Variants in ECPAS observed in about 807,000 individuals in gnomAD.
ECPAS encodes the protein Ecm29 proteasome adaptor and scaffold.
A neutral mutation model predicts 255.1 loss-of-function variants in ECPAS; 70 were observed. That is an observed-to-expected ratio of 0.27 (90% CI 0.23 to 0.33). The LOEUF (loss-of-function observed/expected upper bound fraction) is 0.33. Among genes scored for constraint, ECPAS ranks in the 10% least tolerant of loss-of-function variants. The pLI, the probability that ECPAS is intolerant of heterozygous loss-of-function variation, is 1.00. For missense variants in ECPAS, 1,817 were observed against 2,206.4 expected (o/e 0.82, Z 3.54); for synonymous variants, 784 against 775.0 (o/e 1.01, Z -0.19).
At chr9:111,452,120 G>A (rs75217102) in intron 2 of ECPAS, among the ~76,000 whole-genome samples, 1 of 152,194 alleles carries the variant, frequency 6.6e-6, no homozygotes, top group East Asian at 1.9e-4. Flanking sequence ...CTTTAGACAA[G>A]GTAACTTCTT....
At position 111,430,687 on chromosome 9, in the gene ECPAS, C is replaced by CA. The variant is rs574676757; in HGVS notation, c.849-60dup. 61 of 1,110,480 alleles carry CA rather than the reference C, an allele frequency of 5.5e-5. No individual in the cohort carries two copies. The African/African-American group carries it at 9.4e-4, about 17-fold the overall frequency. The allele number at this position is 1,110,480 out of a possible 1,614,324, so 68.8% of individuals were successfully genotyped here. On this transcript the variant is annotated intron_variant, in intron 8 of 49. Coordinates refer to ENST00000684092, the MANE Select transcript of ECPAS (RefSeq NM_001364929.1). ...ATTTTTCCCCCTCCTTCAGTGATTT[C>CA]AAAAAAATTATAGCCCCAACATTTC...
At chr9:111,426,075 G>A (rs1315484287) in intron 10 of ECPAS, among the ~76,000 whole-genome samples, 1 of 152,162 alleles carries the variant, frequency 6.6e-6, no homozygotes, top group Non-Finnish European at 1.5e-5. Context: ...CCACAGTGAG[G>A]AAACGAAGAG....
At chr9:111,391,431 G>GCC (rs1483850095) in intron 29 of ECPAS, among the ~76,000 whole-genome samples, 1 of 152,026 alleles carries the variant, frequency 6.6e-6, no homozygotes, top group Non-Finnish European at 1.5e-5. Context: ...ACAAAAATTA[G>GCC]CCAGGCGTGG....
rs1442411274 is a variant in ECPAS at position 111,411,119 on chromosome 9, G to A, written c.2238C>T (p.Ser746=). ...DNHSPEIQHG[S]LLALGFTVGR... ...CCACCGTGAATCCCAATGCAAGCAAGGATCCATGCTGTATCTCCGGGCTCT... is the reference window on the plus strand; with the variant it reads ...CCACCGTGAATCCCAATGCAAGCAAAGATCCATGCTGTATCTCCGGGCTCT... The change falls in exon 22 of 50, where the codon TCC becomes TCT. Residue 746 remains serine, a synonymous_variant. Coordinates refer to ENST00000684092, the MANE Select transcript of ECPAS (RefSeq NM_001364929.1). 1 of 1,613,580 alleles carries A rather than the reference G, an allele frequency of 6.2e-7. No individual in the cohort carries two copies. Among genetic ancestry groups the A allele is most frequent in the Admixed American group, 1.7e-5 (1 of 59,970 alleles).
At chr9:111,365,829 T>A (rs73656233) in intron 48 of ECPAS, 9,459 of 163,432 alleles carry the variant, frequency 0.058, 688 homozygotes, top group African/African-American at 0.17. Flanking sequence ...GGGCCTGAAG[T>A]AAGCAACATA....
At chr9:111,483,701 C>T (rs1016912860) in intron 1 of ECPAS, 1 of 162,836 alleles carries the variant, frequency 6.1e-6, no homozygotes, top group Non-Finnish European at 1.2e-5. Context: ...CCTGCGTCCT[C>T]CGCGTCGCGA....
chr9:111,445,959 A>C (rs2098252365), intron 3 of ECPAS, among the ~76,000 whole-genome samples: 1 of 152,166 alleles, frequency 6.6e-6, no homozygotes, highest in Non-Finnish European at 1.5e-5. Context: ...TAGTTTGCTT[A>C]GAATGATGGT....
rs75966252 is a variant in ECPAS, at chr9:111,476,481, G to T, written c.-82-3481C>A. ...CTGACCTAAACTAATTTACAAACTA[G>T]ATTTCAGAACTGCCTTTAACAGTCA... On this transcript the variant is annotated intron_variant, in intron 1 of 49. Transcript: ENST00000684092. Among the ~76,000 whole-genome samples, 592 of 151,690 alleles carry T rather than the reference G, an allele frequency of 3.9e-3. 2 individuals carry two copies. The highest frequency in any genetic ancestry group is 0.014 in the African/African-American group (573 of 41,354).
intron 1 of ECPAS, among the ~76,000 whole-genome samples, chr9:111,473,492 T>G (rs143716362): frequency 6.6e-6 from 1 of 152,244 alleles, no homozygotes; most frequent in African/African-American, 2.4e-5. Context: ...TTTCTCTGAT[T>G]ATCTTCCTCT....
rs1024537315 is a variant in ECPAS, at chr9:111,407,219, T to C, written c.2652+1352A>G. 1.6e-4 allele frequency among the ~76,000 whole-genome samples: 23 copies of C among 146,212 alleles called. 2 individuals carry two copies. The highest frequency in any genetic ancestry group is 5.9e-4 in the African/African-American group (22 of 37,392). ...AAGTTCAAGACCAGCCTGGTCAACA[T>C]GGTGAAACCCTGTCTCTATTAAAAA... is the stretch of plus-strand genomic sequence containing the variant. On this transcript the variant is annotated intron_variant, in intron 24 of 49. Transcript: ENST00000684092.
intron 23 of ECPAS, 32 bp from the exon 24 acceptor site, chr9:111,408,704 C>G: frequency 1.4e-6 from 2 of 1,391,218 alleles, no homozygotes; most frequent in Non-Finnish European, 2.0e-6. Context: ...TTCTTTTAAA[C>G]AGAGTATATA....
intron 1 of ECPAS, among the ~76,000 whole-genome samples, chr9:111,479,390 G>A (rs2098300660): frequency 6.7e-6 from 1 of 149,990 alleles, no homozygotes. Context: ...GAGGTCAGGA[G>A]GTCGAGACCA....
intron 2 of ECPAS, among the ~76,000 whole-genome samples, chr9:111,465,637 TATG>T (rs748908093): frequency 3.3e-5 from 5 of 151,734 alleles, no homozygotes; most frequent in Non-Finnish European, 7.4e-5. Context: ...AATTTTATTT[TATG>T]ATATAATTAT....
chr9:111,469,222 A>G (rs10980906), intron 2 of ECPAS, among the ~76,000 whole-genome samples: 9,751 of 152,046 alleles, frequency 0.064, 466 homozygotes, highest in East Asian at 0.21. Context: ...TGGGCAACAT[A>G]GCGAGACTCT....
chr9:111,412,066 T>C lies in ECPAS; in HGVS notation c.2162A>G (p.Asn721Ser), dbSNP rs1430915303. The C allele has an allele frequency of 4.4e-6, 7 of 1,593,198 alleles. No homozygotes were observed. The African/African-American group carries it at 8.2e-5, about 19-fold the overall frequency. Residue 721 changes from asparagine (N) to serine (S), a missense_variant, in exon 21 of 50, where the codon AAT becomes AGT. This residue lies in a region of ECPAS where 194 missense variants were observed against 152.8 expected (regional missense o/e 1.27). Transcript: ENST00000684092. ...CTGTTCTATCATTGATTTCAACTCATTCCCCGACACTGTTGATACCACTAC... is the reference window on the plus strand; with the variant it reads ...CTGTTCTATCATTGATTTCAACTCACTCCCCGACACTGTTGATACCACTAC... Reference protein sequence around the residue: ...YSVVVSTVSGNELKSMIEQLI... With the variant: ...YSVVVSTVSGSELKSMIEQLI...
intron 3 of ECPAS, among the ~76,000 whole-genome samples, chr9:111,450,134 T>A (rs372020420): frequency 6.6e-6 from 1 of 152,166 alleles, no homozygotes; most frequent in Non-Finnish European, 1.5e-5. Flanking sequence ...TTGTCATCAT[T>A]CATCACCATA....
chr9:111,396,959 C>T lies in ECPAS; in HGVS notation c.2776+71G>A. ...AATATGGAATGTGTAATGTTTTTGC[C>T]TCAAATGTGATAAAGAGAACAAAAA... On this transcript the variant is annotated intron_variant, in intron 25 of 49. Transcript: ENST00000684092. The T allele has an allele frequency of 2.5e-6, 4 of 1,586,470 alleles. No homozygotes were observed. The East Asian group carries it at 6.7e-5, about 27-fold the overall frequency.
chr9:111,411,843 A>T, intron 21 of ECPAS, 171 bp downstream of exon 21: 2 of 551,294 alleles, frequency 3.6e-6, no homozygotes, highest in Non-Finnish European at 6.1e-6. Flanking sequence ...CGTATCTGTT[A>T]AGTGAGCTGA....
At chr9:111,469,422 T>A (rs1189106693) in intron 2 of ECPAS, among the ~76,000 whole-genome samples, 1 of 152,046 alleles carries the variant, frequency 6.6e-6, no homozygotes, top group Non-Finnish European at 1.5e-5. Flanking sequence ...CAATCCCAGC[T>A]ACTCGGGAGG....
Sources: allele counts gnomAD v4.1 joint callset (sites outside exome capture counted in the v4.1 genomes callset), GRCh38; gene constraint gnomAD v4.1.1; regional missense constraint gnomAD v4.1.1; transcripts MANE v1.5; gene names NCBI Gene and HGNC (gene_info 2026-07-23, HGNC 2026-07-21).